The following CEP83 variants were observed in gnomAD, a reference collection of about 807,000 sequenced individuals.
CEP83 encodes centrosomal protein of 83 kDa.
A neutral mutation model predicts 101.9 loss-of-function variants in CEP83; 70 were observed. The ratio of observed to expected loss-of-function variants is 0.69; its 90% CI spans 0.57 to 0.84. The LOEUF (loss-of-function observed/expected upper bound fraction) is 0.84, where lower values mean the gene tolerates loss of function less well. Among genes scored for constraint, CEP83 ranks in the 40% least tolerant of loss-of-function variants. The pLI is 0.00. For synonymous variants in CEP83, 264 were observed against 267.9 expected, an observed-to-expected ratio of 0.99 and a Z score of 0.14; for missense variants, 715 against 787.2, an observed-to-expected ratio of 0.91 and a Z score of 1.10.
chr12:94,333,220 A>C (rs1019283633), intron 13 of CEP83, among the ~76,000 whole-genome samples: 1 of 152,118 alleles, frequency 6.6e-6, no homozygotes, highest in Non-Finnish European at 1.5e-5. Context: ...AATGAATAAA[A>C]AAAGTTTTCT....
intron 14 of CEP83, 123 bp downstream of exon 14, chr12:94,331,577 G>T: frequency 1.3e-6 from 1 of 793,880 alleles, no homozygotes; most frequent in Admixed American, 2.2e-5. Context: ...CACTGTGTTA[G>T]CCAGGATGGT....
chr12:94,425,692 T>C (rs1163304804), intron 2 of CEP83, among the ~76,000 whole-genome samples: 1 of 152,212 alleles, frequency 6.6e-6, no homozygotes, highest in Non-Finnish European at 1.5e-5. Flanking sequence ...CCTGAAGCAC[T>C]TTTTCATGTA....
At chr12:94,354,176 A>G (rs994179249) in intron 11 of CEP83, among the ~76,000 whole-genome samples, 2 of 151,980 alleles carry the variant, frequency 1.3e-5, no homozygotes, top group African/African-American at 2.4e-5. Flanking sequence ...TGGAGAATGC[A>G]GAGTACTCAT....
At chr12:94,397,070 C>T (rs2062947178) in intron 6 of CEP83, among the ~76,000 whole-genome samples, 1 of 152,206 alleles carries the variant, frequency 6.6e-6, no homozygotes, top group Non-Finnish European at 1.5e-5. Context: ...CTCAGTAATA[C>T]TGCTCCTACA....
intron 2 of CEP83, among the ~76,000 whole-genome samples, chr12:94,428,701 A>G (rs1179804501): frequency 6.6e-6 from 1 of 152,242 alleles, no homozygotes; most frequent in East Asian, 1.9e-4. Flanking sequence ...TTAAAACCAT[A>G]TACTTTAAAA....
intron 1 of CEP83, among the ~76,000 whole-genome samples, chr12:94,442,154 C>A (rs1268810941): frequency 6.6e-6 from 1 of 151,578 alleles, no homozygotes; most frequent in Admixed American, 6.6e-5. Context: ...TACTACTCAG[C>A]CATAAAAAGG....
chr12:94,299,873 T>G, the CEP83 span, among the ~76,000 whole-genome samples: 1 of 152,164 alleles, frequency 6.6e-6, no homozygotes, highest in Non-Finnish European at 1.5e-5. Context: ...TCTAGCCTCT[T>G]ATCTCCAGTC....
the CEP83 span, among the ~76,000 whole-genome samples, chr12:94,279,251 G>T: frequency 6.6e-6 from 1 of 152,074 alleles, no homozygotes; most frequent in African/African-American, 2.4e-5. Context: ...TTTATTCAAT[G>T]CTTGCTCTAT....
intron 11 of CEP83, among the ~76,000 whole-genome samples, chr12:94,363,947 C>CAAA (rs376859752): frequency 1.7e-5 from 1 of 59,486 alleles, no homozygotes; most frequent in African/African-American, 6.1e-5. Flanking sequence ...GACGCTGTCT[C>CAAA]AAAAAAAAAA....
At chr12:94,289,361 G>A in the CEP83 span, among the ~76,000 whole-genome samples, 2 of 152,172 alleles carry the variant, frequency 1.3e-5, no homozygotes, top group East Asian at 3.9e-4. Flanking sequence ...GAGGGGAATC[G>A]CTTGTTGTCA....
chr12:94,354,665 G>A lies in CEP83; in HGVS notation c.1343+13129C>T, dbSNP rs375195891. On this transcript the variant is annotated intron_variant, in intron 11 of 16. Coordinates refer to ENST00000397809, the MANE Select transcript of CEP83 (RefSeq NM_016122.3). ...AACTCTGAAAGGTGTACAAATACAT[G>A]AAAATTAAATAACATGCTCCTGAAT... is the stretch of plus-strand genomic sequence containing the variant. Among the ~76,000 whole-genome samples the A allele has an allele frequency of 2.6e-5, 4 of 152,230 alleles. No individual in the cohort carries two copies. The East Asian group carries it at 7.7e-4, about 29-fold the overall frequency.
intron 14 of CEP83, among the ~76,000 whole-genome samples, chr12:94,322,101 C>T (rs1381879061): frequency 6.6e-6 from 1 of 152,090 alleles, no homozygotes; most frequent in Non-Finnish European, 1.5e-5. Context: ...TGGCTAGAGA[C>T]CTCGGTTGGG....
the CEP83 span, among the ~76,000 whole-genome samples, chr12:94,286,222 G>C: frequency 6.6e-6 from 1 of 152,302 alleles, no homozygotes; most frequent in South Asian, 2.1e-4. Flanking sequence ...ACAAGCCTAG[G>C]ACATGAAGGC....
intron 6 of CEP83, among the ~76,000 whole-genome samples, chr12:94,386,240 G>A (rs1190765230): frequency 6.6e-6 from 1 of 152,152 alleles, no homozygotes; most frequent in Non-Finnish European, 1.5e-5. Context: ...ATCCTTCTGA[G>A]ATTTCTACTC....
chr12:94,341,814 T>C (rs1172078781), intron 11 of CEP83, among the ~76,000 whole-genome samples: 1 of 152,172 alleles, frequency 6.6e-6, no homozygotes, highest in Non-Finnish European at 1.5e-5. Flanking sequence ...CATTATTGTG[T>C]TCAAGTAATG....
intron 11 of CEP83, among the ~76,000 whole-genome samples, chr12:94,349,076 A>T (rs1302589589): frequency 6.6e-6 from 1 of 152,128 alleles, no homozygotes; most frequent in East Asian, 1.9e-4. Flanking sequence ...ACCTGAGATC[A>T]GGAGTTCAAG....
intron 11 of CEP83, among the ~76,000 whole-genome samples, chr12:94,341,746 C>G (rs571237867): frequency 6.6e-6 from 1 of 152,264 alleles, no homozygotes; most frequent in South Asian, 2.1e-4. Context: ...GGAATGAAAG[C>G]TGTTTTATAT....
At chr12:94,443,253 A>T (rs1189718279) in intron 1 of CEP83, among the ~76,000 whole-genome samples, 1 of 145,064 alleles carries the variant, frequency 6.9e-6, no homozygotes. Context: ...ACCCTCAAAC[A>T]CATTTCTCTT....
intron 6 of CEP83, among the ~76,000 whole-genome samples, chr12:94,383,885 C>T (rs1294344585): frequency 6.6e-6 from 1 of 152,026 alleles, no homozygotes; most frequent in Non-Finnish European, 1.5e-5. Context: ...TTTTATATCC[C>T]TTTGTCCTTG....
Sources: allele counts gnomAD v4.1 joint callset (sites outside exome capture counted in the v4.1 genomes callset), GRCh38; gene constraint gnomAD v4.1.1; transcripts MANE v1.5; gene names NCBI Gene and HGNC (gene_info 2026-07-23, HGNC 2026-07-21).